Variants in BLOC1S3 observed in about 807,000 individuals in gnomAD.
BLOC1S3 encodes the protein biogenesis of lysosome-related organelles complex 1 subunit 3.
A neutral mutation model predicts 9.1 loss-of-function variants in BLOC1S3; 7 were observed. The ratio of observed to expected loss-of-function variants is 0.77; its 90% CI spans 0.44 to 1.45. BLOC1S3 has a LOEUF of 1.45. BLOC1S3 is among the 40% of genes most tolerant of loss of function. The pLI is 0.01. For synonymous variants in BLOC1S3, 145 were observed against 158.4 expected, an observed-to-expected ratio of 0.92 and a Z score of 0.64; for missense variants, 307 against 315.2, an observed-to-expected ratio of 0.97 and a Z score of 0.20.
chr19:45,194,574 C>G (rs1036038956), intron 2 of BLOC1S3, among the ~76,000 whole-genome samples: 2 of 152,162 alleles, frequency 1.3e-5, no homozygotes, highest in African/African-American at 2.4e-5. Flanking sequence ...ATCTAAATGT[C>G]AATCCATTGG....
chr19:45,205,226 C>T (rs1231026868), intron 3 of BLOC1S3, among the ~76,000 whole-genome samples: 1 of 151,918 alleles, frequency 6.6e-6, no homozygotes, highest in Non-Finnish European at 1.5e-5. Context: ...AGTACAGTGG[C>T]ATGATCTCAG....
rs1001835485 is a variant in BLOC1S3 at position 45,204,546 on chromosome 19, C to G, written n.282+2039C>G. 1.6e-4 allele frequency among the ~76,000 whole-genome samples: 25 copies of G among 152,144 alleles called. 1 individual carries two copies. The highest frequency in any genetic ancestry group is 6.0e-4 in the African/African-American group (25 of 41,528). ...TCAACTAGTTGCATTCAGATGGCAG[C>G]TGGGGCTGGAGTCATCCAAAGGCTC... On this transcript the variant is annotated intron_variant and non_coding_transcript_variant, in intron 3 of 3. Transcript: ENST00000591569.
intron 3 of BLOC1S3, chr19:45,212,958 T>C: frequency 8.0e-7 from 1 of 1,252,654 alleles, no homozygotes; most frequent in Non-Finnish European, 1.0e-6. Flanking sequence ...TAAGGGTCTT[T>C]CTATCCCAGG....
intron 2 of BLOC1S3, among the ~76,000 whole-genome samples, chr19:45,188,735 G>T (rs1969584072): frequency 6.6e-6 from 1 of 151,756 alleles, no homozygotes; most frequent in South Asian, 2.1e-4. Context: ...CCCATGCCTG[G>T]CTAATTTTTT....
intron 3 of BLOC1S3, among the ~76,000 whole-genome samples, chr19:45,205,059 A>C (rs1228495168): frequency 2.0e-5 from 3 of 152,090 alleles, no homozygotes; most frequent in Non-Finnish European, 4.4e-5. Flanking sequence ...ATACCTAACC[A>C]TACTAATAAT....
chr19:45,183,228 C>T (rs990991527), downstream of BLOC1S3, among the ~76,000 whole-genome samples: 1 of 151,702 alleles, frequency 6.6e-6, no homozygotes, highest in African/African-American at 2.4e-5. Flanking sequence ...GCCTGTAATT[C>T]CAGCACTTTG....
intron 3 of BLOC1S3, among the ~76,000 whole-genome samples, chr19:45,209,368 G>C (rs1245008678): frequency 6.6e-6 from 1 of 151,948 alleles, no homozygotes; most frequent in Non-Finnish European, 1.5e-5. Context: ...TAATAACAAT[G>C]TATTGTATAC....
At chr19:45,216,162 C>A (rs961037954) in intron 3 of BLOC1S3, 3 of 1,613,894 alleles carry the variant, frequency 1.9e-6, no homozygotes, top group South Asian at 1.1e-5. Context: ...CCAAATGGGG[C>A]ACCACGGCAT....
intron 2 of BLOC1S3, among the ~76,000 whole-genome samples, chr19:45,196,576 G>T (rs1342008907): frequency 2.6e-5 from 4 of 152,034 alleles, no homozygotes; most frequent in Non-Finnish European, 5.9e-5. Context: ...AGGGGTCTTT[G>T]GGTAAGTGAG....
At chr19:45,202,639 C>T (rs577876717) in intron 3 of BLOC1S3, 2 of 152,416 alleles carry the variant, frequency 1.3e-5, no homozygotes, top group South Asian at 2.1e-4. Context: ...GTGCTCTACC[C>T]TACTGTGGCC....
chr19:45,194,539 T>A (rs986895732), intron 2 of BLOC1S3, among the ~76,000 whole-genome samples: 4 of 152,224 alleles, frequency 2.6e-5, no homozygotes, highest in Non-Finnish European at 5.9e-5. Context: ...TTAGATAAAT[T>A]GTTTGTACCT....
At chr19:45,200,958 T>C (rs1276785058) in intron 2 of BLOC1S3, among the ~76,000 whole-genome samples, 1 of 152,146 alleles carries the variant, frequency 6.6e-6, no homozygotes, top group Non-Finnish European at 1.5e-5. Flanking sequence ...TCCCAGCACA[T>C]TGGGCAGCCT....
Position 45,179,584 on chromosome 19 carries a change from G to A in BLOC1S3, c.288G>A (p.Thr96=), listed in dbSNP as rs1287374019. Residue 96 remains threonine, a synonymous_variant, in exon 2 of 2, where the codon ACG becomes ACA. Coordinates refer to ENST00000433642, the MANE Select transcript of BLOC1S3 (RefSeq NM_212550.5). This position sits in a 1 kb window ranked among gnomAD's most constrained non-coding sequence, Gnocchi z 4.6. ...AATCGGCGGAGGAGGCCTGGGGCAC[G>A]GAGGAGGCCCCGGCGCCCGCCCCCG... ...QRESAEEAWG[T]EEAPAPAPAR... The A allele has an allele frequency of 4.7e-6, 7 of 1,489,786 alleles. No individual in the cohort carries two copies. The highest frequency in any genetic ancestry group is 2.2e-5 in the Admixed American group (1 of 45,320). 92.3% of individuals were successfully genotyped at this position (1,489,786 alleles called of 1,614,324 possible). A position where few individuals can be genotyped will look rare whatever the true frequency, so the allele number is the denominator to read the frequency against.
Position 45,180,130 on chromosome 19 carries a change from CCGATCCTGACCCTG to C in BLOC1S3, c.*227_*240del, listed in dbSNP as rs1457618347. 6.3e-6 allele frequency: 3 copies of C among 479,796 alleles called. No individual in the cohort carries two copies. Among genetic ancestry groups the C allele is most frequent in the Non-Finnish European group, 1.1e-5 (3 of 270,242 alleles). 29.7% of individuals were successfully genotyped at this position (479,796 alleles called of 1,614,324 possible). ...ACTATCCTTAGATCTGGTTCCTCTCCCGATCCTGACCCTGCCGCCTGGTTCTGAGCCTTCCCCTG... is the reference window on the plus strand; with the variant it reads ...ACTATCCTTAGATCTGGTTCCTCTCCCCGCCTGGTTCTGAGCCTTCCCCTG... On this transcript the variant is annotated 3_prime_UTR_variant, in exon 2 of 2. Transcript: ENST00000433642.
intron 2 of BLOC1S3, among the ~76,000 whole-genome samples, chr19:45,197,340 A>G (rs532559117): frequency 4.8e-4 from 73 of 151,184 alleles, no homozygotes; most frequent in African/African-American, 1.6e-3. Flanking sequence ...AACAAAAATT[A>G]GCTGGGTGTG....
At chr19:45,210,812 A>T (rs1969764003) in intron 3 of BLOC1S3, among the ~76,000 whole-genome samples, 1 of 151,996 alleles carries the variant, frequency 6.6e-6, no homozygotes. Flanking sequence ...TGACAAACTG[A>T]GGCTCTTATA....
intron 2 of BLOC1S3, among the ~76,000 whole-genome samples, chr19:45,188,671 C>G (rs1969583667): frequency 6.6e-6 from 1 of 151,076 alleles, no homozygotes; most frequent in Non-Finnish European, 1.5e-5. Context: ...CTCCCTTGTT[C>G]AAGCAATTCT....
At chr19:45,205,530 T>C (rs1969720157) in intron 3 of BLOC1S3, among the ~76,000 whole-genome samples, 1 of 152,172 alleles carries the variant, frequency 6.6e-6, no homozygotes, top group Non-Finnish European at 1.5e-5. Context: ...CATCACTAAA[T>C]GCAAAACTTA....
chr19:45,195,297 C>T (rs1015355089), intron 2 of BLOC1S3, among the ~76,000 whole-genome samples: 1 of 152,076 alleles, frequency 6.6e-6, no homozygotes, highest in African/African-American at 2.4e-5. Context: ...GCCTAGACCT[C>T]CTGGGCTCAG....
Sources: allele counts gnomAD v4.1 joint callset (sites outside exome capture counted in the v4.1 genomes callset), GRCh38; gene constraint gnomAD v4.1.1; non-coding constraint Gnocchi (gnomAD v3.1); transcripts MANE v1.5; gene names NCBI Gene and HGNC (gene_info 2026-07-23, HGNC 2026-07-21).